The following OSBPL6 variants were observed in gnomAD, a reference collection of about 807,000 sequenced individuals.
OSBPL6 encodes oxysterol binding protein like 6.
Under a neutral mutation model 125.8 loss-of-function variants are expected in OSBPL6, and 49 were observed. That is an observed-to-expected ratio of 0.39 (90% CI 0.31 to 0.49). The LOEUF (loss-of-function observed/expected upper bound fraction) is 0.49. Among genes scored for constraint, OSBPL6 ranks in the 20% least tolerant of loss-of-function variants. The pLI, the probability that OSBPL6 is intolerant of heterozygous loss-of-function variation, is 0.88. For missense variants in OSBPL6, 986 were observed against 1,135.4 expected (o/e 0.87, Z 1.89); for synonymous variants, 394 against 391.8 (o/e 1.01, Z -0.07).
At chr2:178,266,528 C>G (rs1559179756) in intron 1 of OSBPL6, among the ~76,000 whole-genome samples, 1 of 152,158 alleles carries the variant, frequency 6.6e-6, no homozygotes, top group Non-Finnish European at 1.5e-5. Context: ...GATCAGCTTG[C>G]TCCGTCTGTA....
At chr2:178,335,167 GAAA>G (rs1689567509) in intron 8 of OSBPL6, among the ~76,000 whole-genome samples, 1 of 151,828 alleles carries the variant, frequency 6.6e-6, no homozygotes, top group African/African-American at 2.4e-5. Context: ...GACTATTGAT[GAAA>G]ATATTTTATC....
intron 13 of OSBPL6, among the ~76,000 whole-genome samples, chr2:178,363,368 T>C (rs1692528151): frequency 6.6e-6 from 1 of 152,226 alleles, no homozygotes; most frequent in Admixed American, 6.5e-5. Context: ...CGGGTGACTA[T>C]ATGCTAGGTA....
chr2:178,339,867 G>C, intron 11 of OSBPL6, 103 bp downstream of exon 11: 4 of 668,144 alleles, frequency 6.0e-6, no homozygotes, highest in Non-Finnish European at 9.2e-6. Flanking sequence ...CAACTTAACT[G>C]CTTTAAAGCC....
intron 1 of OSBPL6, among the ~76,000 whole-genome samples, chr2:178,208,059 C>A (rs188574241): frequency 1.8e-4 from 27 of 151,928 alleles, no homozygotes; most frequent in African/African-American, 6.3e-4. Flanking sequence ...TCAAGGTGGG[C>A]GGATCACCTG....
chr2:178,252,854 T>C (rs537597763), intron 1 of OSBPL6, among the ~76,000 whole-genome samples: 1 of 152,234 alleles, frequency 6.6e-6, no homozygotes, highest in African/African-American at 2.4e-5. Context: ...TCCACTAAAA[T>C]AGTATGATCT....
rs552860949 is a variant in OSBPL6 at position 178,267,366 on chromosome 2, A to C, written c.-350-17561A>C. Among the ~76,000 whole-genome samples the C allele has an allele frequency of 5.1e-3, 770 of 151,546 alleles. 15 individuals carry two copies. The highest frequency in any genetic ancestry group is 0.016 in the African/African-American group (667 of 41,316). On this transcript the variant is annotated intron_variant, in intron 1 of 24. Transcript: ENST00000190611. The stretch of plus-strand genomic sequence containing the variant: ...GAAACTCCATCTCAAAAAAAAAAAA[A>C]AAAAAAAAACAAAACAAGGTTTATC...
At chr2:178,297,991 T>C (rs1162357890) in intron 2 of OSBPL6, among the ~76,000 whole-genome samples, 1 of 152,232 alleles carries the variant, frequency 6.6e-6, no homozygotes, top group East Asian at 1.9e-4. Flanking sequence ...AGTGAAATTC[T>C]GTAACCACTA....
At chr2:178,393,900 C>T (rs1356963431) in intron 23 of OSBPL6, among the ~76,000 whole-genome samples, 1 of 152,222 alleles carries the variant, frequency 6.6e-6, no homozygotes, top group African/African-American at 2.4e-5. Flanking sequence ...AGTTACCATC[C>T]TCCATTCTAT....
chr2:178,385,279 G>T (rs763899066), intron 18 of OSBPL6, among the ~76,000 whole-genome samples, 179 bp from the exon 19 acceptor site: 1 of 151,962 alleles, frequency 6.6e-6, no homozygotes. Context: ...AAGGAAGGAC[G>T]AATTCACTTC....
intron 1 of OSBPL6, among the ~76,000 whole-genome samples, chr2:178,225,387 T>C (rs562306604): frequency 6.6e-6 from 1 of 152,194 alleles, no homozygotes; most frequent in South Asian, 2.1e-4. Context: ...GTAGTTGAAA[T>C]TGGCACATCC....
At chr2:178,312,159 T>A (rs1687334795) in intron 3 of OSBPL6, among the ~76,000 whole-genome samples, 1 of 1,310 alleles carries the variant, frequency 7.6e-4, no homozygotes, top group Non-Finnish European at 0.014. Context: ...TTTTTGTAAT[T>A]TTTTTTTTTT....
rs763944833 is a variant in OSBPL6, at chr2:178,392,472, A to G, written c.2507A>G (p.Asn836Ser). ...YGFTRFAIEL[N>S]ELDPVLKDLL... ...TTCACAAGGTTTGCTATTGAGCTCA[A>G]TGAGTTAGATCCAGTACTAAAAGAT... The change falls in exon 23 of 25, where the codon AAT becomes AGT. Residue 836 changes from asparagine to serine, a missense_variant. By Grantham distance (46) the Asn-to-Ser change is conservative (BLOSUM62 1). Transcript: ENST00000190611. The G allele has an allele frequency of 5.6e-6, 9 of 1,614,014 alleles. No individual in the cohort carries two copies. The highest frequency in any genetic ancestry group is 3.3e-5 in the Admixed American group (2 of 60,002).
intron 1 of OSBPL6, among the ~76,000 whole-genome samples, chr2:178,214,433 T>C (rs2089998013): frequency 6.6e-6 from 1 of 152,104 alleles, no homozygotes; most frequent in South Asian, 2.1e-4. Flanking sequence ...TGCTCATTTG[T>C]GGGGGCTGGC....
intron 13 of OSBPL6, among the ~76,000 whole-genome samples, chr2:178,366,636 A>G (rs1268549239): frequency 1.3e-5 from 2 of 152,218 alleles, no homozygotes; most frequent in Admixed American, 6.5e-5. Context: ...AAGCAAAAAA[A>G]TTGCTTAACA....
At chr2:178,287,553 G>GA (rs1684823089) in intron 2 of OSBPL6, among the ~76,000 whole-genome samples, 1 of 152,170 alleles carries the variant, frequency 6.6e-6, no homozygotes, top group Admixed American at 6.5e-5. Flanking sequence ...TAAAGTACCT[G>GA]AAAATTTGTT....
chr2:178,232,434 G>A (rs2090872239), intron 1 of OSBPL6, among the ~76,000 whole-genome samples: 1 of 152,178 alleles, frequency 6.6e-6, no homozygotes, highest in Non-Finnish European at 1.5e-5. Flanking sequence ...TGTCCCAGCT[G>A]TGGTTCAACC....
intron 2 of OSBPL6, among the ~76,000 whole-genome samples, chr2:178,290,434 T>G (rs1352647100): frequency 6.6e-6 from 1 of 151,834 alleles, no homozygotes; most frequent in African/African-American, 2.4e-5. Flanking sequence ...GTTTTTTTTT[T>G]TTTTTTTCAT....
chr2:178,373,638 A>G (rs923539190), intron 14 of OSBPL6, among the ~76,000 whole-genome samples: 1 of 152,180 alleles, frequency 6.6e-6, no homozygotes, highest in South Asian at 2.1e-4. Flanking sequence ...GCTTAACCTG[A>G]CTCAGTATCA....
chr2:178,360,858 C>G (rs1388444329), intron 12 of OSBPL6, among the ~76,000 whole-genome samples: 1 of 152,188 alleles, frequency 6.6e-6, no homozygotes, highest in Admixed American at 6.5e-5. Context: ...AATTCAGCCA[C>G]TCTATTTTAT....
Sources: allele counts gnomAD v4.1 joint callset (sites outside exome capture counted in the v4.1 genomes callset), GRCh38; gene constraint gnomAD v4.1.1; transcripts MANE v1.5; gene names NCBI Gene and HGNC (gene_info 2026-07-23, HGNC 2026-07-21).